Variants in MAGI2 observed in about 807,000 individuals in gnomAD.
The protein encoded by MAGI2 is membrane-associated guanylate kinase, WW and PDZ domain-containing protein 2.
Under a neutral mutation model 133.3 loss-of-function variants are expected in MAGI2, and 35 were observed. The ratio of observed to expected loss-of-function variants is 0.26; its 90% confidence interval spans 0.20 to 0.35. The LOEUF (loss-of-function observed/expected upper bound fraction) is 0.35, where lower values mean the gene tolerates loss of function less well. Ranked by LOEUF, MAGI2 falls within the 10% of genes least tolerant of loss-of-function variation. The pLI is 1.00. For synonymous variants in MAGI2, 729 were observed against 710.6 expected (o/e 1.03, Z -0.41); for missense variants, 1,636 against 1,863.4 (o/e 0.88, Z 2.25).
At chr7:79,220,879 C>A (rs1830395864) in intron 1 of MAGI2, among the ~76,000 whole-genome samples, 1 of 151,954 alleles carries the variant, frequency 6.6e-6, no homozygotes, top group African/African-American at 2.4e-5. Flanking sequence ...CTAAGAGTCA[C>A]CTGAGAAAAA....
At chr7:79,445,140 C>T (rs1050827014) in intron 1 of MAGI2, among the ~76,000 whole-genome samples, 5 of 152,138 alleles carry the variant, frequency 3.3e-5, no homozygotes, top group African/African-American at 9.7e-5. Context: ...GGATCTCTTC[C>T]TTATACCTTA....
intron 10 of MAGI2, among the ~76,000 whole-genome samples, chr7:78,213,435 CAA>C (rs2150811088): frequency 6.6e-6 from 1 of 152,300 alleles, no homozygotes; most frequent in South Asian, 2.1e-4. Flanking sequence ...CAATATTTAT[CAA>C]AAGAGAGACA....
At chr7:78,816,333 A>C (rs1789587888) in intron 2 of MAGI2, among the ~76,000 whole-genome samples, 1 of 152,218 alleles carries the variant, frequency 6.6e-6, no homozygotes, top group South Asian at 2.1e-4. Flanking sequence ...TAAAGCACCA[A>C]GTGCCGATGT....
At chr7:78,690,447 A>G (rs1448175968) in intron 2 of MAGI2, among the ~76,000 whole-genome samples, 2 of 152,220 alleles carry the variant, frequency 1.3e-5, no homozygotes, top group Non-Finnish European at 2.9e-5. Context: ...AAGCAAAAAT[A>G]TTTATAAAAT....
rs1816707068 is a variant in MAGI2 at position 78,689,345 on chromosome 7, A to G, written c.419-62106T>C. On this transcript the variant is annotated intron_variant, in intron 2 of 21. Coordinates refer to ENST00000354212, the MANE Select transcript of MAGI2 (RefSeq NM_012301.4). The stretch of plus-strand genomic sequence containing the variant: ...AAACTCAATATATTACCTTTAGAAC[A>G]AAGAGCATTTATCATAATTATTCCA... 5.3e-5 allele frequency among the ~76,000 whole-genome samples: 8 copies of G among 152,322 alleles called. No individual in the cohort carries two copies. The South Asian group carries it at 1.7e-3, about 32-fold the overall frequency.
chr7:78,614,689 CTTAAT>C (rs1474326969), intron 3 of MAGI2: 1 of 152,018 alleles, frequency 6.6e-6, no homozygotes, highest in African/African-American at 2.4e-5. Context: ...TTAGTCAAAT[CTTAAT>C]TTGAGTATAA....
At chr7:78,249,689 A>T (rs900666090) in intron 10 of MAGI2, among the ~76,000 whole-genome samples, 7 of 152,118 alleles carry the variant, frequency 4.6e-5, no homozygotes, top group Admixed American at 6.5e-5. Context: ...AATAGTGGAT[A>T]GCAGTGGCTG....
intron 2 of MAGI2, among the ~76,000 whole-genome samples, chr7:78,971,584 T>C (rs570281331): frequency 6.6e-6 from 1 of 152,196 alleles, no homozygotes; most frequent in Non-Finnish European, 1.5e-5. Flanking sequence ...ATATTAGGTC[T>C]TGTATTTTAT....
chr7:78,462,777 T>C (rs1790197619), intron 6 of MAGI2, among the ~76,000 whole-genome samples: 1 of 152,212 alleles, frequency 6.6e-6, no homozygotes, highest in Non-Finnish European at 1.5e-5. Context: ...TGTGAAGGTA[T>C]ATTCACAGTC....
At chr7:79,004,620 C>G (rs1483419902) in intron 2 of MAGI2, among the ~76,000 whole-genome samples, 1 of 152,170 alleles carries the variant, frequency 6.6e-6, no homozygotes, top group African/African-American at 2.4e-5. Flanking sequence ...GTTCCCAACA[C>G]ATAGAAATGA....
intron 2 of MAGI2, among the ~76,000 whole-genome samples, chr7:78,677,923 A>G (rs321974): frequency 0.13 from 19,672 of 152,082 alleles, 1,553 homozygotes; most frequent in East Asian, 0.4. Context: ...CAGGGCACAG[A>G]CTGAACCAAA....
At chr7:79,282,674 C>A (rs139482245) in intron 1 of MAGI2, among the ~76,000 whole-genome samples, 27 of 152,132 alleles carry the variant, frequency 1.8e-4, no homozygotes, top group Admixed American at 6.6e-4. Context: ...GTCTCTCAGG[C>A]ATGAAAGAAA....
At chr7:79,329,839 C>G (rs1423942406) in intron 1 of MAGI2, among the ~76,000 whole-genome samples, 2 of 152,134 alleles carry the variant, frequency 1.3e-5, no homozygotes, top group Non-Finnish European at 2.9e-5. Flanking sequence ...CCATAATAAA[C>G]AGCAATCTAG....
intron 21 of MAGI2, among the ~76,000 whole-genome samples, chr7:78,050,751 C>G (rs1360341749): frequency 6.6e-6 from 1 of 152,118 alleles, no homozygotes; most frequent in Non-Finnish European, 1.5e-5. Context: ...GGGGGCCTGT[C>G]TGCTCTAGTT....
chr7:79,370,646 C>CTTTT (rs58805216), intron 1 of MAGI2, among the ~76,000 whole-genome samples: 17 of 149,316 alleles, frequency 1.1e-4, no homozygotes, highest in African/African-American at 3.4e-4. Flanking sequence ...TCCATTAGTT[C>CTTTT]TTTTTTTTTT....
At chr7:78,662,852 G>T (rs1026467760) in intron 2 of MAGI2, among the ~76,000 whole-genome samples, 1 of 152,062 alleles carries the variant, frequency 6.6e-6, no homozygotes, top group East Asian at 1.9e-4. Flanking sequence ...GCTCAATAAA[G>T]GTTTAATAAT....
intron 1 of MAGI2, chr7:79,413,113 T>G (rs1475084046): frequency 6.6e-6 from 1 of 152,188 alleles, no homozygotes; most frequent in Non-Finnish European, 1.5e-5. Context: ...GCAATTTCAC[T>G]ATTGAACAAT....
chr7:78,892,695 G>T (rs1027485631), intron 2 of MAGI2, among the ~76,000 whole-genome samples: 2 of 152,146 alleles, frequency 1.3e-5, no homozygotes, highest in African/African-American at 4.8e-5. Flanking sequence ...GCTGAAACTG[G>T]ATCCCTTCCT....
chr7:79,256,282 T>A (rs889465282), intron 1 of MAGI2, among the ~76,000 whole-genome samples: 3 of 152,164 alleles, frequency 2.0e-5, no homozygotes, highest in African/African-American at 7.2e-5. Context: ...TACAAATTGT[T>A]ACTTTTAGAA....
Sources: gnomAD v4.1 joint callset for allele counts (sites outside exome capture counted in the v4.1 genomes callset) on GRCh38, gnomAD v4.1.1 for gene constraint, MANE v1.5 for transcripts, NCBI Gene and HGNC (gene_info 2026-07-23, HGNC 2026-07-21) for gene names.